The following NUDT6 variants were observed in gnomAD, a reference collection of about 807,000 sequenced individuals.
NUDT6 encodes nudix hydrolase 6.
In NUDT6, 24 loss-of-function variants were observed where a neutral mutation model predicts 36.8. The observed-to-expected ratio is 0.65, with a 90% CI of 0.47 to 0.92. The LOEUF (loss-of-function observed/expected upper bound fraction) is 0.92. Among genes scored for constraint, NUDT6 ranks in the 40% least tolerant of loss-of-function variants. The pLI, the probability that NUDT6 is intolerant of heterozygous loss-of-function variation, is 0.00. For missense variants in NUDT6, 388 were observed against 392.8 expected (o/e 0.99, Z 0.10); for synonymous variants, 163 against 157.0 (o/e 1.04, Z -0.29).
At chr4:122,911,746 T>C (rs1727736684) in intron 3 of NUDT6, among the ~76,000 whole-genome samples, 1 of 152,188 alleles carries the variant, frequency 6.6e-6, no homozygotes, top group Non-Finnish European at 1.5e-5. Flanking sequence ...TCAAAATCAT[T>C]ATTCTCTTTC....
chr4:122,901,198 T>G (rs1273370239), intron 3 of NUDT6, among the ~76,000 whole-genome samples: 2 of 152,106 alleles, frequency 1.3e-5, no homozygotes, highest in Non-Finnish European at 2.9e-5. Context: ...GTTGGTGAGG[T>G]CTAGTTCCTT....
At chr4:122,922,630 GATC>G, upstream of NUDT6, 4 of 1,441,294 alleles carry the variant, frequency 2.8e-6, no homozygotes, top group Non-Finnish European at 3.8e-6. Flanking sequence ...CCAGAGCGGA[GATC>G]GCGGCCGTAC....
At chr4:122,896,345 A>AT (rs1403546078) in intron 4 of NUDT6, 1 of 152,632 alleles carries the variant, frequency 6.6e-6, no homozygotes, top group Non-Finnish European at 1.5e-5. Flanking sequence ...CAGAGGACCC[A>AT]TAAGAGTTCA....
chr4:122,905,684 C>T (rs1251921405), intron 3 of NUDT6, among the ~76,000 whole-genome samples: 1 of 152,202 alleles, frequency 6.6e-6, no homozygotes, highest in Non-Finnish European at 1.5e-5. Context: ...TTCAGGTATT[C>T]TCTGATAAGT....
chr4:122,917,949 T>C, intron 1 of NUDT6: 2 of 478,628 alleles, frequency 4.2e-6, no homozygotes, highest in South Asian at 4.7e-5. Context: ...TTTATATCCA[T>C]ACCACCAAAG....
intron 3 of NUDT6, among the ~76,000 whole-genome samples, chr4:122,903,085 CCAAA>C (rs973917826): frequency 5.3e-5 from 8 of 152,096 alleles, no homozygotes; most frequent in African/African-American, 1.4e-4. Flanking sequence ...TCACCTAACA[CCAAA>C]CATTTACAGA....
At chr4:122,894,740 G>A (rs1303221348) in intron 4 of NUDT6, 1 of 151,966 alleles carries the variant, frequency 6.6e-6, no homozygotes, top group Non-Finnish European at 1.5e-5. Flanking sequence ...TATTCATTAT[G>A]CTTTGAAAAA....
intron 2 of NUDT6, among the ~76,000 whole-genome samples, chr4:122,915,472 A>AAAAAAAAAAAAC (rs1339892319): frequency 4.3e-4 from 9 of 20,814 alleles, no homozygotes; most frequent in African/African-American, 1.5e-3. Context: ...CCTGCCTCAA[A>AAAAAAAAAAAAC]AAAAAAAAAA....
At chr4:122,922,727 G>C, upstream of NUDT6, 1 of 662,924 alleles carries the variant, frequency 1.5e-6, no homozygotes, top group East Asian at 2.8e-5. Context: ...CCGCGAAGTG[G>C]TCCACCAGCC....
chr4:122,922,117 G>A (rs1214731085), intron 1 of NUDT6: 1 of 412,236 alleles, frequency 2.4e-6, no homozygotes, highest in African/African-American at 2.1e-5. Flanking sequence ...AGATCCCAAA[G>A]TCCGGGATCT....
chr4:122,922,453 T>G lies in NUDT6; in HGVS notation c.120A>C (p.Pro40=), dbSNP rs1560778380. ...CGCCCTGCAGATCGCACGCTCCAAC[T>G]GGCGGATTCCGCACGTAACCCTGTG... is the stretch of plus-strand genomic sequence containing the variant. ...SGAQGYVRNP[P]VGACDLQGEL... Residue 40 remains proline (P), a synonymous_variant, in exon 1 of 5, where the codon CCA becomes CCC. Transcript: ENST00000304430. The G allele has an allele frequency of 1.9e-6, 3 of 1,611,690 alleles. No homozygotes were observed. Among genetic ancestry groups the G allele is most frequent in the Middle Eastern group, 3.3e-4 (2 of 6,060 alleles).
intron 3 of NUDT6, among the ~76,000 whole-genome samples, chr4:122,910,274 G>A (rs915811870): frequency 7.6e-5 from 7 of 92,554 alleles, no homozygotes; most frequent in African/African-American, 2.0e-4. Context: ...GTCTTTGCAG[G>A]TTTTATAAAG....
chr4:122,905,354 T>C (rs1347745016), intron 3 of NUDT6, among the ~76,000 whole-genome samples: 5 of 152,232 alleles, frequency 3.3e-5, no homozygotes, highest in Non-Finnish European at 7.3e-5. Flanking sequence ...ATTTTCTCAG[T>C]AGTTTTGTCA....
Position 122,912,599 on chromosome 4 carries a change from C to T in NUDT6, c.467G>A (p.Arg156Lys), listed in dbSNP as rs1271809292. The change falls in exon 3 of 5, where the codon AGA becomes AAA. Residue 156 changes from arginine to lysine, a missense_variant. Arg to Lys is a conservative substitution (Grantham distance 26). Transcript: ENST00000304430. ...VAGAVFDEST[R>K]KILVVQDRNK... ...TCGATCTTGTACAACCAGTATTTTT[C>T]TAGTACTTTCATCAAATACAGCTCC... 1.9e-6 allele frequency: 3 copies of T among 1,591,254 alleles called. No homozygotes were observed. The highest frequency in any genetic ancestry group is 2.6e-6 in the Non-Finnish European group (3 of 1,160,340).
At chr4:122,898,100 T>C (rs1484069293) in intron 3 of NUDT6, 1 of 160,848 alleles carries the variant, frequency 6.2e-6, no homozygotes, top group African/African-American at 2.4e-5. Context: ...AAAATCTATT[T>C]CCTATATTGT....
intron 4 of NUDT6, chr4:122,894,077 T>C (rs1041277452): frequency 6.6e-6 from 1 of 152,246 alleles, no homozygotes; most frequent in Non-Finnish European, 1.5e-5. Flanking sequence ...TCAATTCCCA[T>C]GTGCTGTGAC....
chr4:122,907,495 G>C (rs1727643016), intron 3 of NUDT6, among the ~76,000 whole-genome samples: 1 of 142,130 alleles, frequency 7.0e-6, no homozygotes, highest in South Asian at 2.2e-4. Context: ...CAGTCACCCA[G>C]GCTGGAGTGC....
chr4:122,901,829 C>T (rs1267593402), intron 3 of NUDT6, among the ~76,000 whole-genome samples: 2 of 152,154 alleles, frequency 1.3e-5, no homozygotes, highest in Non-Finnish European at 2.9e-5. Context: ...TTAAGACCTT[C>T]CCTAGGCATG....
At chr4:122,914,842 C>G (rs1560773506) in intron 2 of NUDT6, among the ~76,000 whole-genome samples, 1 of 152,126 alleles carries the variant, frequency 6.6e-6, no homozygotes, top group Non-Finnish European at 1.5e-5. Flanking sequence ...GATAAAATAT[C>G]TGCCTTTATG....
Sources: gnomAD v4.1 joint callset for allele counts (sites outside exome capture counted in the v4.1 genomes callset) on GRCh38, gnomAD v4.1.1 for gene constraint, MANE v1.5 for transcripts, NCBI Gene and HGNC (gene_info 2026-07-23, HGNC 2026-07-21) for gene names.